The following ARHGEF11 variants were observed in gnomAD, a reference collection of about 807,000 sequenced individuals.
The protein encoded by ARHGEF11 is Rho guanine nucleotide exchange factor 11, also known as Rho guanine exchange factor (GEF) 11.
ARHGEF11 carries 55 observed loss-of-function variants against 193.7 expected under a neutral mutation model. The observed-to-expected ratio is 0.28, with a 90% CI of 0.23 to 0.36. The LOEUF is 0.36. ARHGEF11 is among the 10% of genes least tolerant of loss of function. ARHGEF11 has a pLI of 1.00. For synonymous variants in ARHGEF11, 693 were observed against 768.0 expected, an observed-to-expected ratio of 0.90 and a Z score of 1.62; for missense variants, 1,723 against 2,005.6, an observed-to-expected ratio of 0.86 and a Z score of 2.69.
chr1:156,988,728 A>C (rs1230434379), intron 1 of ARHGEF11, among the ~76,000 whole-genome samples: 1 of 152,246 alleles, frequency 6.6e-6, no homozygotes, highest in Non-Finnish European at 1.5e-5. Context: ...TCTCTAAAAT[A>C]AAATCAGAGG....
chr1:157,033,008 C>G (rs939990242), intron 1 of ARHGEF11, among the ~76,000 whole-genome samples: 3 of 152,094 alleles, frequency 2.0e-5, no homozygotes, highest in Non-Finnish European at 4.4e-5. Context: ...GTTCTGTGCA[C>G]AGCCCTTTGC....
chr1:156,947,050 G>GGTT (rs1658268925), intron 26 of ARHGEF11, 35 bp from the exon 27 acceptor site: 1 of 1,612,476 alleles, frequency 6.2e-7, no homozygotes, highest in Non-Finnish European at 8.5e-7. Flanking sequence ...AAATGCCTGG[G>GGTT]GTTGAGCTCA....
chr1:157,033,388 C>A (rs904678790), intron 1 of ARHGEF11, among the ~76,000 whole-genome samples: 2 of 152,120 alleles, frequency 1.3e-5, no homozygotes, highest in Non-Finnish European at 2.9e-5. Flanking sequence ...TCATTTTTCT[C>A]CCTCTCTGAA....
intron 1 of ARHGEF11, among the ~76,000 whole-genome samples, chr1:157,037,644 T>C (rs1672208077): frequency 6.6e-6 from 1 of 152,184 alleles, no homozygotes; most frequent in Admixed American, 6.5e-5. Context: ...TGCACTCTTC[T>C]CTAAATGTAC....
At position 156,962,784 on chromosome 1, in the gene ARHGEF11, CAGG is replaced by C. The variant is rs370933290; in HGVS notation, c.1140+416_1140+418del. 5.4e-4 allele frequency among the ~76,000 whole-genome samples: 78 copies of C among 144,634 alleles called. 1 individual carries two copies. Among genetic ancestry groups the C allele is most frequent in the African/African-American group, 1.9e-3 (75 of 38,828 alleles). The allele number at this position is 144,634 out of a possible 152,430, so 94.9% of individuals were successfully genotyped here. A position where few individuals can be genotyped will look rare whatever the true frequency, so the allele number is the denominator to read the frequency against. The stretch of plus-strand genomic sequence containing the variant: ...GTCCCAGCTACTCGGGGGGCTGAGG[CAGG>C]AGAACAGCGTGAACCTGGGAGGCGG... On this transcript the variant is annotated intron_variant, in intron 13 of 40. Coordinates refer to ENST00000368194, the MANE Select transcript of ARHGEF11 (RefSeq NM_198236.3).
At chr1:156,961,623 C>T in intron 14 of ARHGEF11, 54 bp downstream of exon 14, 1 of 1,524,070 alleles carries the variant, frequency 6.6e-7, no homozygotes, top group Non-Finnish European at 9.1e-7. Context: ...TTCCCTGCCT[C>T]TGAGTAGTTC....
chr1:156,963,388 T>C, intron 12 of ARHGEF11, 84 bp from the exon 13 acceptor site: 1 of 1,496,774 alleles, frequency 6.7e-7, no homozygotes, highest in Non-Finnish European at 9.3e-7. Flanking sequence ...TGATTCCCCG[T>C]CCTGGGTTCA....
At chr1:156,979,313 T>C in intron 4 of ARHGEF11, 27 bp from the exon 5 acceptor site, 1 of 1,598,316 alleles carries the variant, frequency 6.3e-7, no homozygotes. Context: ...CAGTATTGAG[T>C]AATGGTAATG....
intron 1 of ARHGEF11, among the ~76,000 whole-genome samples, chr1:157,007,491 G>A (rs991773262): frequency 1.1e-4 from 16 of 152,134 alleles, no homozygotes; most frequent in African/African-American, 3.9e-4. Flanking sequence ...CTTAGGCTGA[G>A]ATTTATAAAA....
In ARHGEF11 at chr1:156,969,643, GCTC is replaced by G. The variant is rs562560895; in HGVS notation, c.749-288_749-286del. ...ATAACTCTCTCTCACAACTAGTTTT[GCTC>G]CTCAACTCCTTCCCAACCCTCTTCT... is the stretch of plus-strand genomic sequence containing the variant. On this transcript the variant is annotated intron_variant, in intron 9 of 40. Transcript: ENST00000368194. Among the ~76,000 whole-genome samples, 142 of 152,242 alleles carry G rather than the reference GCTC, an allele frequency of 9.3e-4. 1 individual carries two copies. The highest frequency in any genetic ancestry group is 3.4e-3 in the African/African-American group (140 of 41,538).
In ARHGEF11 at chr1:156,969,361, G is replaced by A. The variant is rs373099087; in HGVS notation, c.749-3C>T. On this transcript the variant is annotated splice_polypyrimidine_tract_variant and splice_region_variant and intron_variant, in intron 9 of 40. Transcript: ENST00000368194. ...CTGGGAATCCAGAGAGAGCCGGCCT[G>A]AGAAGAAAATAGTTTCTATAACACA... 9 of 1,603,314 alleles carry A rather than the reference G, an allele frequency of 5.6e-6. No homozygotes were observed. The highest frequency in any genetic ancestry group is 1.3e-5 in the African/African-American group (1 of 74,704).
At chr1:157,005,549 G>A (rs1003808995) in intron 1 of ARHGEF11, among the ~76,000 whole-genome samples, 1 of 152,196 alleles carries the variant, frequency 6.6e-6, no homozygotes, top group Non-Finnish European at 1.5e-5. Flanking sequence ...AGAGCAGACT[G>A]AGAAATGCCC....
intron 17 of ARHGEF11, 87 bp downstream of exon 17, chr1:156,958,655 A>C: frequency 6.4e-7 from 1 of 1,565,110 alleles, no homozygotes; most frequent in Admixed American, 1.7e-5. Context: ...GAAGTGGAAG[A>C]GGGGGAGAGG....
rs1269250822 is a variant in ARHGEF11, at chr1:156,960,459, G to A, written c.1241C>T (p.Pro414Leu). The change falls in exon 15 of 41, where the codon CCT becomes CTT. Residue 414 changes from proline (P) to leucine (L), a missense_variant and splice_region_variant. Physicochemically the swap from Pro to Leu is moderately conservative, Grantham distance 98. Transcript: ENST00000368194. The stretch of plus-strand genomic sequence containing the variant: ...CATCTCAGGGATCTTCACTCTCAGA[G>A]GCTAAAAAACAGAAGTGTGGAGCAG... ...IWNIFLEKNA[P>L]LRVKIPEMLQ... is the part of the protein sequence containing the mutation. 5 of 1,614,116 alleles carry A rather than the reference G, an allele frequency of 3.1e-6. No homozygotes were observed. In the South Asian group the frequency reaches 5.5e-5, roughly 18 times the overall value.
chr1:156,937,462 G>A lies in ARHGEF11; in HGVS notation c.4227C>T (p.Pro1409=), dbSNP rs769493288. Reference sequence around the variant, plus strand: ...CTGAGTGGTCGGTGCTTGAGTCCGGGGGTCCTGATGGCATGCTGACATAAA... The same window carrying A: ...CTGAGTGGTCGGTGCTTGAGTCCGGAGGTCCTGATGGCATGCTGACATAAA... ...NCFYVSMPSG[P]PDSSTDHSEA... Residue 1409 remains proline (P), a synonymous_variant, in exon 39 of 41, where the codon CCC becomes CCT. Transcript: ENST00000368194. The A allele has an allele frequency of 5.9e-6, 9 of 1,536,452 alleles. No homozygotes were observed. The highest frequency in any genetic ancestry group is 7.9e-6 in the Non-Finnish European group (9 of 1,145,168).
chr1:156,942,854 C>CA, intron 32 of ARHGEF11, 74 bp from the exon 33 acceptor site: 4 of 1,263,064 alleles, frequency 3.2e-6, no homozygotes, highest in Non-Finnish European at 4.6e-6. Flanking sequence ...GCCAGGGTGA[C>CA]AGAGTGGGAC....
At chr1:156,954,434 CT>C (rs1322380267) in intron 21 of ARHGEF11, among the ~76,000 whole-genome samples, 1 of 141,890 alleles carries the variant, frequency 7.0e-6, no homozygotes, top group Admixed American at 7.2e-5. Context: ...GGCACTTCTG[CT>C]TCACTGTAAG....
At chr1:156,944,544 GA>G in intron 30 of ARHGEF11, 111 bp from the exon 31 acceptor site, 2 of 1,171,846 alleles carry the variant, frequency 1.7e-6, no homozygotes, top group Non-Finnish European at 2.5e-6. Flanking sequence ...TGGTAAATAA[GA>G]AAAAGTCCTT....
chr1:157,028,041 T>C (rs997734275), intron 1 of ARHGEF11, among the ~76,000 whole-genome samples: 1 of 152,170 alleles, frequency 6.6e-6, no homozygotes, highest in African/African-American at 2.4e-5. Flanking sequence ...CCTATCCCTA[T>C]ATGACTACAG....
Sources: gnomAD v4.1 joint callset for allele counts (sites outside exome capture counted in the v4.1 genomes callset) on GRCh38, gnomAD v4.1.1 for gene constraint, MANE v1.5 for transcripts, NCBI Gene and HGNC (gene_info 2026-07-23, HGNC 2026-07-21) for gene names.